Variants in CALN1 observed in about 807,000 individuals in gnomAD.
CALN1 encodes the protein calneuron 1.
A neutral mutation model predicts 30.6 loss-of-function variants in CALN1; 17 were observed. That is an observed-to-expected ratio of 0.56 (90% CI 0.38 to 0.83). The LOEUF (loss-of-function observed/expected upper bound fraction) is 0.83, where lower values mean the gene tolerates loss of function less well. CALN1 is among the 40% of genes least tolerant of loss of function. The pLI is 0.00. For synonymous variants in CALN1, 156 were observed against 131.4 expected (o/e 1.19, Z -1.28); for missense variants, 291 against 354.9 (o/e 0.82, Z 1.45).
At chr7:72,090,183 T>C (rs1584920309) in intron 4 of CALN1, among the ~76,000 whole-genome samples, 1 of 152,152 alleles carries the variant, frequency 6.6e-6, no homozygotes. Flanking sequence ...ATGCCTGTAG[T>C]CCCAGCCACT....
At chr7:72,372,085 A>G (rs1804279657) in intron 2 of CALN1, among the ~76,000 whole-genome samples, 1 of 152,148 alleles carries the variant, frequency 6.6e-6, no homozygotes, top group South Asian at 2.1e-4. Context: ...TCCAGGAGAC[A>G]CCTCTCATTC....
intron 5 of CALN1, among the ~76,000 whole-genome samples, chr7:71,831,003 A>G (rs973884941): frequency 6.6e-6 from 1 of 152,076 alleles, no homozygotes; most frequent in African/African-American, 2.4e-5. Context: ...GCTGTTCCGG[A>G]AAATAAAATG....
At chr7:72,025,730 A>C (rs1223507595) in intron 4 of CALN1, among the ~76,000 whole-genome samples, 3 of 152,200 alleles carry the variant, frequency 2.0e-5, no homozygotes, top group African/African-American at 4.8e-5. Context: ...GCCAGCACAG[A>C]CAGCCAGGTG....
intron 3 of CALN1, among the ~76,000 whole-genome samples, chr7:72,146,512 G>A (rs1786743478): frequency 6.6e-6 from 1 of 152,118 alleles, no homozygotes; most frequent in African/African-American, 2.4e-5. Flanking sequence ...TGGATAGGAA[G>A]AATCAATATC....
intron 3 of CALN1, among the ~76,000 whole-genome samples, chr7:72,268,229 G>T (rs1047713849): frequency 1.9e-4 from 29 of 152,208 alleles, no homozygotes; most frequent in African/African-American, 6.7e-4. Context: ...GGCAGACAAA[G>T]AATATGTCTG....
intron 3 of CALN1, among the ~76,000 whole-genome samples, chr7:72,239,192 C>T (rs1794676725): frequency 6.6e-6 from 1 of 152,104 alleles, no homozygotes; most frequent in Non-Finnish European, 1.5e-5. Flanking sequence ...AGGCCAGGAG[C>T]TTGAGACCAG....
intron 5 of CALN1, among the ~76,000 whole-genome samples, chr7:71,922,826 AAT>A (rs1449549371): frequency 3.6e-5 from 5 of 140,148 alleles, no homozygotes; most frequent in African/African-American, 8.2e-5. Flanking sequence ...TAATATACAG[AAT>A]ATATATAAAT....
intron 2 of CALN1, among the ~76,000 whole-genome samples, chr7:72,332,798 G>A (rs1005974651): frequency 2.6e-5 from 4 of 152,078 alleles, no homozygotes; most frequent in African/African-American, 9.7e-5. Context: ...TCTCCTGTTT[G>A]CCAAATTCAT....
rs1405600739 is a variant in CALN1 at position 72,209,350 on chromosome 7, C to T, written c.244+69336G>A. On this transcript the variant is annotated intron_variant, in intron 3 of 6. Transcript: ENST00000395275. Reference sequence around the variant, plus strand: ...CCTCTTTCCTTCCCTCTTTCCTTCCCTCCTTCCCTCTTTCCTTCCCTCCTT... The same window carrying T: ...CCTCTTTCCTTCCCTCTTTCCTTCCTTCCTTCCCTCTTTCCTTCCCTCCTT... 2.0e-3 allele frequency among the ~76,000 whole-genome samples: 92 copies of T among 45,626 alleles called. 20 individuals carry two copies. The highest frequency in any genetic ancestry group is 0.014 in the East Asian group (3 of 220). 29.9% of individuals were successfully genotyped at this position (45,626 alleles called of 152,430 possible).
intron 2 of CALN1, among the ~76,000 whole-genome samples, chr7:72,383,296 G>A (rs185905362): frequency 8.7e-4 from 133 of 152,326 alleles, no homozygotes; most frequent in African/African-American, 2.9e-3. Context: ...AGGCTGCGGG[G>A]TGAAAGGACA....
chr7:72,103,275 C>A (rs2129540979), intron 4 of CALN1: 1 of 176,204 alleles, frequency 5.7e-6, no homozygotes, highest in Non-Finnish European at 1.3e-5. Flanking sequence ...TCCTGGAAGA[C>A]ACCATCAATG....
intron 2 of CALN1, among the ~76,000 whole-genome samples, chr7:72,369,717 T>C (rs994376373): frequency 6.6e-6 from 1 of 152,210 alleles, no homozygotes; most frequent in African/African-American, 2.4e-5. Flanking sequence ...CCTAGAAGTT[T>C]ATAGAAGTAG....
At chr7:71,826,389 C>A (rs769048087) in intron 5 of CALN1, among the ~76,000 whole-genome samples, 19 of 152,182 alleles carry the variant, frequency 1.2e-4, no homozygotes, top group African/African-American at 3.6e-4. Flanking sequence ...ATCTATGGAG[C>A]AGACATGTGA....
chr7:72,372,431 C>T (rs1046166063), intron 2 of CALN1, among the ~76,000 whole-genome samples: 1 of 152,124 alleles, frequency 6.6e-6, no homozygotes, highest in African/African-American at 2.4e-5. Flanking sequence ...AACTTTCTAG[C>T]TGGAGAGCCA....
At chr7:72,149,967 A>T (rs981821929) in intron 3 of CALN1, among the ~76,000 whole-genome samples, 3 of 151,906 alleles carry the variant, frequency 2.0e-5, no homozygotes, top group African/African-American at 7.3e-5. Flanking sequence ...ATACAGAAAA[A>T]AAAAAATTAG....
At chr7:71,983,733 T>C (rs918453690) in intron 5 of CALN1, among the ~76,000 whole-genome samples, 1 of 152,158 alleles carries the variant, frequency 6.6e-6, no homozygotes, top group Non-Finnish European at 1.5e-5. Context: ...GGTTTCGCCA[T>C]GTTGGCCAGG....
In CALN1 at chr7:71,884,519, C is replaced by T. The variant is rs1169840076; in HGVS notation, c.502-74027G>A. On this transcript the variant is annotated intron_variant, in intron 5 of 6. Transcript: ENST00000395275. ...TGAGGTCACCATATTCCAGCTTGGG[C>T]CAGATCGATCTCTCGGTGGTGGTGA... Among the ~76,000 whole-genome samples, 8 of 151,360 alleles carry T rather than the reference C, an allele frequency of 5.3e-5. 1 individual carries two copies. The East Asian group carries it at 1.6e-3, about 30-fold the overall frequency.
chr7:72,385,322 C>G (rs1475517663), intron 2 of CALN1, among the ~76,000 whole-genome samples: 1 of 149,838 alleles, frequency 6.7e-6, no homozygotes, highest in Non-Finnish European at 1.5e-5. Flanking sequence ...TTTGAAAACA[C>G]TATGTCCACA....
chr7:71,929,881 T>A (rs1018988177), intron 5 of CALN1, among the ~76,000 whole-genome samples: 6 of 152,208 alleles, frequency 3.9e-5, no homozygotes, highest in Admixed American at 1.3e-4. Context: ...TTTTTCCACA[T>A]CCTTTTTAGT....
Sources: gnomAD v4.1 joint callset for allele counts (sites outside exome capture counted in the v4.1 genomes callset) on GRCh38, gnomAD v4.1.1 for gene constraint, MANE v1.5 for transcripts, NCBI Gene and HGNC (gene_info 2026-07-23, HGNC 2026-07-21) for gene names.